Variants in EFNA5 observed in about 807,000 individuals in gnomAD.
EFNA5 encodes ephrin A5, also known as ephrin-A5.
EFNA5 carries 5 observed loss-of-function variants against 22.9 expected under a neutral mutation model. The observed-to-expected ratio is 0.22, with a 90% CI of 0.11 to 0.46. The LOEUF (loss-of-function observed/expected upper bound fraction) is 0.46. Among genes scored for constraint, EFNA5 ranks in the 20% least tolerant of loss-of-function variants. The probability of loss-of-function intolerance (pLI) is 0.99; values close to 1 mark genes in which losing one functional copy is unlikely to be tolerated. For missense variants in EFNA5, 237 were observed against 293.3 expected (o/e 0.81, Z 1.40); for synonymous variants, 113 against 112.2 (o/e 1.01, Z -0.04).
At position 107,590,164 on chromosome 5, in the gene EFNA5, G is replaced by A. The variant is rs1024580872; in HGVS notation, c.125+80325C>T. Among the ~76,000 whole-genome samples, 6 of 152,186 alleles carry A rather than the reference G, an allele frequency of 3.9e-5. No homozygotes were observed. In the South Asian group the frequency reaches 8.3e-4, roughly 21 times the overall value. On this transcript the variant is annotated intron_variant, in intron 1 of 4. Coordinates refer to ENST00000333274, the MANE Select transcript of EFNA5 (RefSeq NM_001962.3). ...CATCTACCAAAGCAGGTAAGAGGAC[G>A]AAAGAAATGGCTAAAGAAGGCTTTC...
At position 107,657,962 on chromosome 5, in the gene EFNA5, C is replaced by T. The variant is rs189510039; in HGVS notation, c.125+12527G>A. On this transcript the variant is annotated intron_variant, in intron 1 of 4. Coordinates refer to ENST00000333274, the MANE Select transcript of EFNA5 (RefSeq NM_001962.3). ...GCTTTGAAAAAGCAAATAATACATA[C>T]GCTGTGAGGAAAGCAGAAGCATATT... Among the ~76,000 whole-genome samples, 268 of 152,232 alleles carry T rather than the reference C, an allele frequency of 1.8e-3. 1 individual carries two copies. Among genetic ancestry groups the T allele is most frequent in the South Asian group, 3.1e-3 (15 of 4,828 alleles).
At chr5:107,491,720 C>G (rs1746811231) in intron 1 of EFNA5, among the ~76,000 whole-genome samples, 1 of 152,280 alleles carries the variant, frequency 6.6e-6, no homozygotes, top group Admixed American at 6.5e-5. Context: ...CAGAGGGGAA[C>G]TGAATAGTTG....
chr5:107,670,634 G>A lies in EFNA5; in HGVS notation c.-21C>T, dbSNP rs1751173786. The A allele has an allele frequency of 6.3e-7, 1 of 1,596,014 alleles. No homozygotes were observed. The highest frequency in any genetic ancestry group is 1.7e-5 in the Admixed American group (1 of 58,818). ...AACATCACGCCTGGCCAGCGGCGGA[G>A]CCCCCGACGCGCCACTCCGGGGAGA... On this transcript the variant is annotated 5_prime_UTR_variant, in exon 1 of 5. Coordinates refer to ENST00000333274, the MANE Select transcript of EFNA5 (RefSeq NM_001962.3).
At chr5:107,601,421 C>A (rs549710117) in intron 1 of EFNA5, among the ~76,000 whole-genome samples, 1 of 100,754 alleles carries the variant, frequency 9.9e-6, no homozygotes, top group East Asian at 2.0e-4. Flanking sequence ...GCTGCACCAT[C>A]TTCAGGACTG....
chr5:107,511,002 T>TTGTGTGTGTGTGTGTGTGTG (rs71644591), intron 1 of EFNA5, among the ~76,000 whole-genome samples: 27 of 140,402 alleles, frequency 1.9e-4, no homozygotes, highest in African/African-American at 7.3e-4. Context: ...TTCTTTTTCT[T>TTGTGTGTGTGTGTGTGTGTG]TGTGTGTGTG....
At chr5:107,619,619 C>T (rs544888359) in intron 1 of EFNA5, among the ~76,000 whole-genome samples, 1 of 151,996 alleles carries the variant, frequency 6.6e-6, no homozygotes, top group African/African-American at 2.4e-5. Flanking sequence ...TGCTACCATA[C>T]CCGGCTAATT....
At chr5:107,618,149 A>G in intron 1 of EFNA5, among the ~76,000 whole-genome samples, 1 of 152,210 alleles carries the variant, frequency 6.6e-6, no homozygotes. Context: ...TGCATAGTAT[A>G]TATGCAATCC....
chr5:107,449,077 G>A (rs572991606), intron 1 of EFNA5, among the ~76,000 whole-genome samples: 4 of 151,900 alleles, frequency 2.6e-5, no homozygotes, highest in African/African-American at 7.2e-5. Context: ...GTGTCCTAAA[G>A]GTTCTATAAC....
At chr5:107,536,059 C>T (rs1747922821) in intron 1 of EFNA5, among the ~76,000 whole-genome samples, 1 of 152,160 alleles carries the variant, frequency 6.6e-6, no homozygotes, top group Non-Finnish European at 1.5e-5. Flanking sequence ...ACTGCTTGAG[C>T]CAGTTTGCAT....
intron 1 of EFNA5, among the ~76,000 whole-genome samples, chr5:107,544,448 G>A (rs900104630): frequency 1.4e-4 from 21 of 152,152 alleles, no homozygotes; most frequent in Non-Finnish European, 2.4e-4. Context: ...AGTACCAAAT[G>A]CAAGGGCTTC....
At chr5:107,556,733 C>G (rs1748425473) in intron 1 of EFNA5, among the ~76,000 whole-genome samples, 1 of 149,256 alleles carries the variant, frequency 6.7e-6, no homozygotes, top group Non-Finnish European at 1.5e-5. Context: ...GTGACAGGAG[C>G]AAAATTCCAT....
intron 1 of EFNA5, among the ~76,000 whole-genome samples, chr5:107,653,669 T>C (rs1389913136): frequency 6.6e-6 from 1 of 152,186 alleles, no homozygotes; most frequent in African/African-American, 2.4e-5. Flanking sequence ...TCCAAACCAC[T>C]TTCTCAGAGA....
At chr5:107,564,940 T>C (rs143501462) in intron 1 of EFNA5, among the ~76,000 whole-genome samples, 1 of 152,312 alleles carries the variant, frequency 6.6e-6, no homozygotes, top group African/African-American at 2.4e-5. Flanking sequence ...CGTGTGTGCT[T>C]GGCCAGTAAG....
At chr5:107,427,739 C>A (rs1459383493) in intron 1 of EFNA5, among the ~76,000 whole-genome samples, 1 of 152,100 alleles carries the variant, frequency 6.6e-6, no homozygotes, top group Non-Finnish European at 1.5e-5. Context: ...AAATATCCTA[C>A]AAACTAAGTG....
rs766457284 is a variant in EFNA5, at chr5:107,427,432, G to C, written c.203C>G (p.Ser68Cys). The C allele has an allele frequency of 6.2e-7, 1 of 1,613,830 alleles. No homozygotes were observed. The highest frequency in any genetic ancestry group is 8.5e-7 in the Non-Finnish European group (1 of 1,179,970). ...LDVFCPHYED[S>C]VPEDKTERYV... ...GCGCTCAGTCTTATCTTCTGGGACG[G>C]AGTCCTCATAGTGAGGGCAGAAAAC... Residue 68 changes from serine to cysteine, a missense_variant, in exon 2 of 5, where the codon TCC becomes TGC. Coordinates refer to ENST00000333274, the MANE Select transcript of EFNA5 (RefSeq NM_001962.3).
intron 1 of EFNA5, among the ~76,000 whole-genome samples, chr5:107,618,423 G>A (rs376227595): frequency 1.2e-4 from 18 of 152,162 alleles, no homozygotes; most frequent in African/African-American, 2.2e-4. Context: ...TTCAGCTTCC[G>A]CATGTCATAT....
chr5:107,484,478 G>T (rs1746526844), intron 1 of EFNA5, among the ~76,000 whole-genome samples: 1 of 152,206 alleles, frequency 6.6e-6, no homozygotes, highest in Admixed American at 6.5e-5. Flanking sequence ...CGTTTTGCAT[G>T]TTGGCACACT....
intron 1 of EFNA5, among the ~76,000 whole-genome samples, chr5:107,552,989 G>T (rs1018653843): frequency 6.6e-6 from 1 of 152,082 alleles, no homozygotes; most frequent in Non-Finnish European, 1.5e-5. Flanking sequence ...ACTGCAAAAG[G>T]ATAAATAAAT....
At chr5:107,525,188 A>G (rs1238848556) in intron 1 of EFNA5, among the ~76,000 whole-genome samples, 3 of 152,200 alleles carry the variant, frequency 2.0e-5, no homozygotes, top group Non-Finnish European at 4.4e-5. Flanking sequence ...TTCAAGGATT[A>G]TGAGATAAAA....
Sources: gnomAD v4.1 joint callset for allele counts (sites outside exome capture counted in the v4.1 genomes callset) on GRCh38, gnomAD v4.1.1 for gene constraint, MANE v1.5 for transcripts, NCBI Gene and HGNC (gene_info 2026-07-23, HGNC 2026-07-21) for gene names.